Variants in HDAC1 observed in about 807,000 individuals in gnomAD.
The protein encoded by HDAC1 is histone deacetylase 1.
A neutral mutation model predicts 65.5 loss-of-function variants in HDAC1; 18 were observed. That is an observed-to-expected ratio of 0.27 (90% CI 0.19 to 0.41). The LOEUF (loss-of-function observed/expected upper bound fraction) is 0.41. HDAC1 is among the 10% of genes least tolerant of loss of function. The probability of loss-of-function intolerance (pLI) is 1.00; values close to 1 mark genes in which losing one functional copy is unlikely to be tolerated. For missense variants in HDAC1, 373 were observed against 625.2 expected, an observed-to-expected ratio of 0.60 and a Z score of 4.30; for synonymous variants, 211 against 227.9, an observed-to-expected ratio of 0.93 and a Z score of 0.67.
chr1:32,326,611 C>CT, intron 4 of HDAC1, among the ~76,000 whole-genome samples: 1 of 152,076 alleles, frequency 6.6e-6, no homozygotes, highest in South Asian at 2.1e-4. Context: ...AGCAGTTACC[C>CT]TTACTGTTAC....
intron 2 of HDAC1, among the ~76,000 whole-genome samples, chr1:32,314,545 C>T (rs774869298): frequency 4.6e-5 from 7 of 151,776 alleles, no homozygotes; most frequent in East Asian, 3.9e-4. Context: ...AGAGATATTT[C>T]GCCGGGCAAG....
At position 32,327,178 on chromosome 1, in the gene HDAC1, T is replaced by C; in HGVS notation, c.494+101T>C. The stretch of plus-strand genomic sequence containing the variant: ...CTCCCTAGTTTGCTTTTCCTACCGA[T>C]GTGCTGGCTAGGATGTGCTCGGTGA... On this transcript the variant is annotated intron_variant, in intron 5 of 13. Transcript: ENST00000373548. The surrounding 1 kb of genome is among the most constrained non-coding windows in gnomAD (Gnocchi z 6.0). 1 of 1,218,714 alleles carries C rather than the reference T, an allele frequency of 8.2e-7. No homozygotes were observed. The highest frequency in any genetic ancestry group is 1.2e-6 in the Non-Finnish European group (1 of 846,594). 75.5% of individuals were successfully genotyped at this position (1,218,714 alleles called of 1,614,324 possible).
rs747305440 is a variant in HDAC1 at position 32,330,730 on chromosome 1, G to A, written c.839-38G>A. ...AGGATGGGTGGGCGGGGTCCTGCTTGGTGCTCCTGTAACTCAGCACCCCTT... is the reference window on the plus strand; with the variant it reads ...AGGATGGGTGGGCGGGGTCCTGCTTAGTGCTCCTGTAACTCAGCACCCCTT... On this transcript the variant is annotated intron_variant, in intron 8 of 13. Coordinates refer to ENST00000373548, the MANE Select transcript of HDAC1 (RefSeq NM_004964.3). The surrounding 1 kb of genome is among the most constrained non-coding windows in gnomAD (Gnocchi z 4.2). The A allele has an allele frequency of 1.2e-6, 2 of 1,613,980 alleles. No homozygotes were observed. Among genetic ancestry groups the A allele is most frequent in the South Asian group, 1.1e-5 (1 of 91,086 alleles).
chr1:32,301,252 C>G (rs944667151), intron 1 of HDAC1, among the ~76,000 whole-genome samples: 1 of 150,096 alleles, frequency 6.7e-6, no homozygotes, highest in African/African-American at 2.5e-5. Context: ...CAAGACCATC[C>G]TGGCTAACAC....
chr1:32,327,113 C>T lies in HDAC1; in HGVS notation c.494+36C>T. On this transcript the variant is annotated intron_variant, in intron 5 of 13. Coordinates refer to ENST00000373548, the MANE Select transcript of HDAC1 (RefSeq NM_004964.3). The surrounding 1 kb of genome is among the most constrained non-coding windows in gnomAD (Gnocchi z 6.0). ...CTGGCCTTGTCTCTTGGAAGAGCAC[C>T]TTAGGCCAGGTTCCCATTTCCCTCT... is the stretch of plus-strand genomic sequence containing the variant. The T allele has an allele frequency of 6.2e-7, 1 of 1,607,282 alleles. No homozygotes were observed. Among genetic ancestry groups the T allele is most frequent in the Non-Finnish European group, 8.5e-7 (1 of 1,175,830 alleles).
intron 3 of HDAC1, among the ~76,000 whole-genome samples, chr1:32,322,733 G>A (rs1641164072): frequency 6.6e-6 from 1 of 152,000 alleles, no homozygotes; most frequent in East Asian, 1.9e-4. Context: ...ACCCCATTAG[G>A]CCCGAAATAA....
At chr1:32,316,601 A>G (rs944826912) in intron 2 of HDAC1, 64 bp from the exon 3 acceptor site, 2 of 880,518 alleles carry the variant, frequency 2.3e-6, no homozygotes, top group African/African-American at 3.3e-5. Flanking sequence ...TAAATATTCA[A>G]ACTAGATTGA....
intron 4 of HDAC1, among the ~76,000 whole-genome samples, 184 bp from the exon 5 acceptor site, chr1:32,326,755 T>G (rs760254427): frequency 6.8e-6 from 1 of 146,974 alleles, no homozygotes; most frequent in Admixed American, 6.9e-5. Context: ...AATCGTTTTT[T>G]ACGAGTAGAC....
chr1:32,300,965 T>C (rs924645165), intron 1 of HDAC1, among the ~76,000 whole-genome samples: 8 of 152,120 alleles, frequency 5.3e-5, no homozygotes, highest in Non-Finnish European at 1.0e-4. Flanking sequence ...TGTGTTCCAA[T>C]AAAATTTTAT....
At chr1:32,320,939 A>T (rs1340504663) in intron 3 of HDAC1, among the ~76,000 whole-genome samples, 1 of 149,830 alleles carries the variant, frequency 6.7e-6, no homozygotes, top group African/African-American at 2.5e-5. Flanking sequence ...AAAGAAAAAA[A>T]CATATTTTAG....
rs558677536 is a variant in HDAC1, at chr1:32,307,773, G to A, written c.162+5040G>A. On this transcript the variant is annotated intron_variant, in intron 2 of 13. Transcript: ENST00000373548. ...GTCCTGGGATGAAGATGGATTGTTA[G>A]AAGGTGATTTGCTTTTACTTTGTAA... Among the ~76,000 whole-genome samples the A allele has an allele frequency of 2.6e-5, 4 of 152,328 alleles. No homozygotes were observed. The South Asian group carries it at 8.3e-4, about 32-fold the overall frequency.
At chr1:32,328,096 T>C (rs1641243006) in intron 6 of HDAC1, among the ~76,000 whole-genome samples, 1 of 152,188 alleles carries the variant, frequency 6.6e-6, no homozygotes, top group African/African-American at 2.4e-5. Flanking sequence ...ATTTTACATC[T>C]GATATAGAAT....
chr1:32,330,142 T>C lies in HDAC1; in HGVS notation c.730-436T>C, dbSNP rs1641271520. The stretch of plus-strand genomic sequence containing the variant: ...ATAAGGGCTACAGAAGTGGGAGTTG[T>C]GGTCTCGGTCTCAGTAACGTTAGAC... On this transcript the variant is annotated intron_variant, in intron 7 of 13. Coordinates refer to ENST00000373548, the MANE Select transcript of HDAC1 (RefSeq NM_004964.3). The surrounding 1 kb of genome is among the most constrained non-coding windows in gnomAD (Gnocchi z 4.2). 1 of 179,634 alleles carries C rather than the reference T, an allele frequency of 5.6e-6. No homozygotes were observed. Among genetic ancestry groups the C allele is most frequent in the South Asian group, 1.2e-4 (1 of 8,678 alleles). The allele number at this position is 179,634 out of a possible 1,614,324, so 11.1% of individuals were successfully genotyped here. A position where few individuals can be genotyped will look rare whatever the true frequency, so the allele number is the denominator to read the frequency against.
chr1:32,302,517 G>T, intron 1 of HDAC1, 104 bp from the exon 2 acceptor site: 136 of 490,258 alleles, frequency 2.8e-4, no homozygotes, highest in East Asian at 5.1e-4. Flanking sequence ...AACTAGAAAT[G>T]AGCCAGAAAG....
rs2124391585 is a variant in HDAC1 at position 32,292,118 on chromosome 1, C to G, written c.-52C>G. On this transcript the variant is annotated 5_prime_UTR_variant, in exon 1 of 14. Transcript: ENST00000373548. Reference sequence around the variant, plus strand: ...CTGGGTCGGACGCTGAGCGGAGCCGCGGGCGGGAGGGCGGACGGACCGACT... The same window carrying G: ...CTGGGTCGGACGCTGAGCGGAGCCGGGGGCGGGAGGGCGGACGGACCGACT... The G allele has an allele frequency of 1.3e-6, 2 of 1,533,240 alleles. No homozygotes were observed. The highest frequency in any genetic ancestry group is 1.8e-6 in the Non-Finnish European group (2 of 1,134,178). 95.0% of individuals were successfully genotyped at this position (1,533,240 alleles called of 1,614,324 possible).
At chr1:32,317,539 G>A (rs534519291) in intron 3 of HDAC1, among the ~76,000 whole-genome samples, 78 of 152,126 alleles carry the variant, frequency 5.1e-4, no homozygotes, top group Admixed American at 2.6e-3. Flanking sequence ...GAAAATATGC[G>A]GCACTTGTTT....
At chr1:32,292,413 G>C (rs972047093) in intron 1 of HDAC1, 195 bp downstream of exon 1, 2 of 985,336 alleles carry the variant, frequency 2.0e-6, no homozygotes, top group East Asian at 2.3e-4. Context: ...GAGACCAAGA[G>C]GGGATCGCGT....
intron 3 of HDAC1, among the ~76,000 whole-genome samples, chr1:32,322,892 C>T (rs528843190): frequency 2.6e-5 from 4 of 152,262 alleles, no homozygotes; most frequent in Admixed American, 6.5e-5. Flanking sequence ...TGTTCCTCCG[C>T]ACAGTGGGGT....
At chr1:32,303,721 G>A (rs564018528) in intron 2 of HDAC1, among the ~76,000 whole-genome samples, 1 of 152,116 alleles carries the variant, frequency 6.6e-6, no homozygotes, top group East Asian at 1.9e-4. Flanking sequence ...AAATTAGCTG[G>A]TATCCTGGCC....
Sources: allele counts gnomAD v4.1 joint callset (sites outside exome capture counted in the v4.1 genomes callset), GRCh38; gene constraint gnomAD v4.1.1; non-coding constraint Gnocchi (gnomAD v3.1); transcripts MANE v1.5; gene names NCBI Gene and HGNC (gene_info 2026-07-23, HGNC 2026-07-21).